Variants in ANO3 observed in about 807,000 individuals in gnomAD.
The protein encoded by ANO3 is anoctamin-3.
ANO3 carries 99 observed loss-of-function variants against 144.8 expected under a neutral mutation model. The ratio of observed to expected loss-of-function variants is 0.68; its 90% CI spans 0.58 to 0.81. ANO3 has a LOEUF of 0.81. ANO3 is among the 30% of genes least tolerant of loss of function. The probability of loss-of-function intolerance (pLI) is 0.00; values close to 1 mark genes in which losing one functional copy is unlikely to be tolerated. For missense variants in ANO3, 905 were observed against 1,202.2 expected, an observed-to-expected ratio of 0.75 and a Z score of 3.66; for synonymous variants, 414 against 392.6, an observed-to-expected ratio of 1.05 and a Z score of -0.64.
At chr11:26,217,427 T>C (rs1852056131) in intron 1 of ANO3, among the ~76,000 whole-genome samples, 1 of 140,232 alleles carries the variant, frequency 7.1e-6, no homozygotes. Context: ...CTGGTTGAGG[T>C]AAAAATGGCC....
intron 1 of ANO3, among the ~76,000 whole-genome samples, chr11:26,397,279 T>C (rs1229372233): frequency 1.3e-5 from 2 of 151,932 alleles, no homozygotes; most frequent in Non-Finnish European, 2.9e-5. Flanking sequence ...TGTACATGTA[T>C]TTTTTTTCTA....
At chr11:26,290,327 G>T (rs1853926600) in intron 1 of ANO3, among the ~76,000 whole-genome samples, 1 of 151,958 alleles carries the variant, frequency 6.6e-6, no homozygotes, top group Non-Finnish European at 1.5e-5. Flanking sequence ...CTTGCTAGTG[G>T]TCTATCAATT....
intron 23 of ANO3, among the ~76,000 whole-genome samples, chr11:26,643,647 C>T (rs1590670300): frequency 6.6e-6 from 1 of 151,744 alleles, no homozygotes; most frequent in African/African-American, 2.4e-5. Context: ...CCCAGCTACT[C>T]GGGAGGCTGA....
chr11:26,365,328 C>A, intron 1 of ANO3, among the ~76,000 whole-genome samples: 1 of 152,220 alleles, frequency 6.6e-6, no homozygotes, highest in African/African-American at 2.4e-5. Flanking sequence ...GTGTAGGTTG[C>A]AAGCTGCCAG....
chr11:26,556,922 T>C (rs1024487294), intron 13 of ANO3, among the ~76,000 whole-genome samples: 6 of 152,048 alleles, frequency 3.9e-5, no homozygotes, highest in African/African-American at 1.2e-4. Flanking sequence ...GAGCCTTATG[T>C]TTTTCTGAAC....
intron 14 of ANO3, among the ~76,000 whole-genome samples, chr11:26,569,499 T>G (rs2134282663): frequency 6.6e-6 from 1 of 152,160 alleles, no homozygotes; most frequent in Middle Eastern, 3.4e-3. Flanking sequence ...CTTAAAGTCG[T>G]AGAAGCAGCC....
intron 1 of ANO3, among the ~76,000 whole-genome samples, chr11:26,194,483 T>A (rs993557999): frequency 2.0e-5 from 3 of 150,472 alleles, no homozygotes; most frequent in African/African-American, 7.4e-5. Flanking sequence ...TGTGTGTGTG[T>A]GTGTATTATT....
intron 6 of ANO3, among the ~76,000 whole-genome samples, chr11:26,523,594 G>A (rs903284073): frequency 1.3e-5 from 2 of 151,970 alleles, no homozygotes; most frequent in Non-Finnish European, 2.9e-5. Context: ...GTTTTCTTAA[G>A]TTAATGCTCT....
chr11:26,489,585 A>T (rs1860618610), intron 4 of ANO3, among the ~76,000 whole-genome samples: 1 of 152,158 alleles, frequency 6.6e-6, no homozygotes, highest in Admixed American at 6.5e-5. Context: ...GGCACTCAAC[A>T]CTAGTGCATG....
chr11:26,642,893 ATTTC>A (rs765415817), intron 22 of ANO3, among the ~76,000 whole-genome samples: 2 of 145,748 alleles, frequency 1.4e-5, no homozygotes, highest in East Asian at 2.0e-4. Flanking sequence ...TCTTCCCTCT[ATTTC>A]TTCTTTTTCT....
At chr11:26,499,522 T>A (rs1396479117) in intron 4 of ANO3, among the ~76,000 whole-genome samples, 1 of 151,754 alleles carries the variant, frequency 6.6e-6, no homozygotes, top group East Asian at 1.9e-4. Flanking sequence ...ATTAACTTAT[T>A]TTTTTAGTGT....
At chr11:26,293,387 G>A (rs951275483) in intron 1 of ANO3, among the ~76,000 whole-genome samples, 1 of 151,036 alleles carries the variant, frequency 6.6e-6, no homozygotes, top group Middle Eastern at 3.2e-3. Context: ...CATTTAGTGA[G>A]CATTTTTTCT....
At chr11:26,446,573 C>T (rs1858709596) in intron 3 of ANO3, among the ~76,000 whole-genome samples, 1 of 152,156 alleles carries the variant, frequency 6.6e-6, no homozygotes, top group Non-Finnish European at 1.5e-5. Context: ...TCTACTAAGG[C>T]TCCCTAACAG....
chr11:26,529,074 T>C (rs1368060238), intron 7 of ANO3, among the ~76,000 whole-genome samples: 3 of 125,200 alleles, frequency 2.4e-5, no homozygotes, highest in Non-Finnish European at 3.2e-5. Context: ...TTTCAAATTA[T>C]ACATGGCAAT....
intron 1 of ANO3, among the ~76,000 whole-genome samples, chr11:26,195,884 G>C (rs752762321): frequency 6.6e-6 from 1 of 152,152 alleles, no homozygotes; most frequent in Non-Finnish European, 1.5e-5. Flanking sequence ...CTACTTTGTA[G>C]AGTTAACTGT....
chr11:26,215,243 G>A (rs765419457), intron 1 of ANO3, among the ~76,000 whole-genome samples: 1 of 151,940 alleles, frequency 6.6e-6, no homozygotes, highest in Non-Finnish European at 1.5e-5. Context: ...GTAGTAGCAA[G>A]AGAAAATTTT....
At chr11:26,328,806 T>C (rs1457033361), upstream of ANO3, among the ~76,000 whole-genome samples, 1 of 152,100 alleles carries the variant, frequency 6.6e-6, no homozygotes, top group Non-Finnish European at 1.5e-5. Flanking sequence ...GATCTATGCA[T>C]GTAATAAGGA....
At chr11:26,610,410 T>G (rs10835017) in intron 17 of ANO3, among the ~76,000 whole-genome samples, 43,584 of 151,396 alleles carry the variant, frequency 0.29, 6,615 homozygotes, top group South Asian at 0.45. Flanking sequence ...TATTTGTTTT[T>G]TTGTTGTTAT....
At chr11:26,513,868 C>T (rs1035261545) in intron 5 of ANO3, among the ~76,000 whole-genome samples, 2 of 152,072 alleles carry the variant, frequency 1.3e-5, no homozygotes, top group Non-Finnish European at 2.9e-5. Flanking sequence ...ACTCATTCAT[C>T]TTCATGAAGG....
Sources: allele counts gnomAD v4.1 joint callset (sites outside exome capture counted in the v4.1 genomes callset), GRCh38; gene constraint gnomAD v4.1.1; transcripts MANE v1.5; gene names NCBI Gene and HGNC (gene_info 2026-07-23, HGNC 2026-07-21).